TMCO4: variants seen among roughly 807,000 people sequenced by gnomAD.
TMCO4 encodes the protein transmembrane and coiled-coil domain-containing protein 4.
TMCO4 carries 58 observed loss-of-function variants against 64.7 expected under a neutral mutation model. The ratio of observed to expected loss-of-function variants is 0.90; its 90% confidence interval spans 0.73 to 1.12. The LOEUF is 1.12. Ranked by LOEUF, TMCO4 falls within the 50% of genes most tolerant of loss-of-function variation. The probability of loss-of-function intolerance (pLI) is 0.00; values close to 1 mark genes in which losing one functional copy is unlikely to be tolerated. For missense variants in TMCO4, 780 were observed against 825.9 expected, an observed-to-expected ratio of 0.94 and a Z score of 0.68; for synonymous variants, 325 against 346.1, an observed-to-expected ratio of 0.94 and a Z score of 0.68.
chr1:19,788,587 T>C (rs2043858244), intron 2 of TMCO4, among the ~76,000 whole-genome samples: 2 of 152,208 alleles, frequency 1.3e-5, no homozygotes, highest in African/African-American at 4.8e-5. Context: ...TACAACATGC[T>C]GCACTGGTGA....
In TMCO4 at chr1:19,731,781, C is replaced by G. The variant is rs540600035; in HGVS notation, c.1264+5591G>C. ...GAGAAGGGCTCTGCTCTGGTCCCCA[C>G]CAGCTTCCTTGGCCTCAGGTCCCCA... On this transcript the variant is annotated intron_variant, in intron 13 of 15. Transcript: ENST00000294543. Among the ~76,000 whole-genome samples the G allele has an allele frequency of 8.2e-4, 125 of 152,324 alleles. 1 individual carries two copies. Among genetic ancestry groups the G allele is most frequent in the African/African-American group, 2.7e-3 (112 of 41,572 alleles).
chr1:19,724,353 G>A (rs2095399459), intron 13 of TMCO4, among the ~76,000 whole-genome samples: 1 of 152,204 alleles, frequency 6.6e-6, no homozygotes, highest in African/African-American at 2.4e-5. Context: ...ACAGGCTGGA[G>A]TTGAACCCAG....
At chr1:19,782,073 A>G (rs2043519171) in intron 3 of TMCO4, among the ~76,000 whole-genome samples, 2 of 152,234 alleles carry the variant, frequency 1.3e-5, no homozygotes, top group Admixed American at 6.5e-5. Flanking sequence ...CACTCCTGAG[A>G]AATGAGGACT....
At position 19,747,143 on chromosome 1, in the gene TMCO4, C is replaced by A. The variant is rs368467322; in HGVS notation, c.613+20G>T. The stretch of plus-strand genomic sequence containing the variant: ...GTCTACAAAACCCAGACGTGTGCCA[C>A]CATCTCTAGCTGGACTCACCGATCA... On this transcript the variant is annotated intron_variant, in intron 8 of 15. Transcript: ENST00000294543. 6.0e-5 allele frequency: 97 copies of A among 1,612,086 alleles called. No individual in the cohort carries two copies. The African/African-American group carries it at 1.1e-3, about 19-fold the overall frequency.
intron 6 of TMCO4, among the ~76,000 whole-genome samples, chr1:19,769,126 C>G (rs1426679795): frequency 6.6e-6 from 1 of 152,130 alleles, no homozygotes; most frequent in Non-Finnish European, 1.5e-5. Context: ...CTGACTACCA[C>G]CTGCCCTGAA....
chr1:19,701,638 C>T (rs146879957), intron 13 of TMCO4, among the ~76,000 whole-genome samples: 96 of 152,204 alleles, frequency 6.3e-4, no homozygotes, highest in African/African-American at 2.0e-3. Context: ...AAGAGACTAA[C>T]GGGCCCCGCA....
At chr1:19,706,610 T>C (rs2095304528) in intron 13 of TMCO4, among the ~76,000 whole-genome samples, 1 of 152,224 alleles carries the variant, frequency 6.6e-6, no homozygotes, top group African/African-American at 2.4e-5. Context: ...CGCTAAGTTA[T>C]TAATATCCTA....
chr1:19,692,575 C>T (rs77889093), intron 15 of TMCO4, among the ~76,000 whole-genome samples: 6 of 63,956 alleles, frequency 9.4e-5, no homozygotes, highest in African/African-American at 2.0e-4. Context: ...ATTAAAAATA[C>T]AAAAAAAAAA....
intron 14 of TMCO4, among the ~76,000 whole-genome samples, chr1:19,695,603 G>C (rs1406341824): frequency 6.6e-6 from 1 of 152,198 alleles, no homozygotes; most frequent in Admixed American, 6.5e-5. Context: ...GGCTGGGGTT[G>C]GAATCCTGGT....
At position 19,716,642 on chromosome 1, in the gene TMCO4, C is replaced by T. The variant is rs564084536; in HGVS notation, c.1265-15757G>A. The stretch of plus-strand genomic sequence containing the variant: ...AAGCGGCCCTCCCTTGGCTCCATCA[C>T]TTACAAGCTGTGTGACCATGAATAA... On this transcript the variant is annotated intron_variant, in intron 13 of 15. Transcript: ENST00000294543. Among the ~76,000 whole-genome samples, 112 of 152,206 alleles carry T rather than the reference C, an allele frequency of 7.4e-4. 1 individual carries two copies. Among genetic ancestry groups the T allele is most frequent in the African/African-American group, 2.6e-3 (107 of 41,534 alleles).
chr1:19,713,961 G>A (rs779829576), intron 13 of TMCO4, among the ~76,000 whole-genome samples: 2 of 151,996 alleles, frequency 1.3e-5, no homozygotes, highest in Non-Finnish European at 2.9e-5. Context: ...TTTTGAGACA[G>A]AGTCTCTCTC....
intron 6 of TMCO4, among the ~76,000 whole-genome samples, chr1:19,770,060 G>C (rs2042916812): frequency 6.6e-6 from 1 of 152,268 alleles, no homozygotes; most frequent in Non-Finnish European, 1.5e-5. Flanking sequence ...AGCCACACCA[G>C]AGGGGCTGAT....
intron 12 of TMCO4, 71 bp from the exon 13 acceptor site, chr1:19,737,527 G>A (rs754919221): frequency 1.4e-6 from 2 of 1,443,788 alleles, no homozygotes; most frequent in Non-Finnish European, 1.9e-6. Flanking sequence ...GGCCTGAGGA[G>A]GGCAGCCTTT....
chr1:19,721,392 C>A (rs2095382668), intron 13 of TMCO4, among the ~76,000 whole-genome samples: 1 of 152,174 alleles, frequency 6.6e-6, no homozygotes, highest in Admixed American at 6.5e-5. Flanking sequence ...TTGAGAGTGG[C>A]AGTTAGTGCT....
intron 13 of TMCO4, among the ~76,000 whole-genome samples, chr1:19,735,381 T>C (rs1434078635): frequency 6.6e-6 from 1 of 152,170 alleles, no homozygotes; most frequent in African/African-American, 2.4e-5. Flanking sequence ...GTGGCAAAGC[T>C]AGGAGCCAAA....
intron 15 of TMCO4, among the ~76,000 whole-genome samples, chr1:19,691,338 G>A (rs16822735): frequency 0.16 from 24,895 of 152,168 alleles, 2,158 homozygotes; most frequent in East Asian, 0.26. Context: ...GGAAGTTTAG[G>A]GGTGAAGATA....
chr1:19,706,151 A>T (rs530197492), intron 13 of TMCO4, among the ~76,000 whole-genome samples: 4 of 151,976 alleles, frequency 2.6e-5, no homozygotes, highest in African/African-American at 9.7e-5. Flanking sequence ...TAATCCTCCC[A>T]CCTTAGCCTC....
intron 13 of TMCO4, among the ~76,000 whole-genome samples, chr1:19,733,729 G>C (rs1331134691): frequency 6.6e-6 from 1 of 152,180 alleles, no homozygotes; most frequent in Non-Finnish European, 1.5e-5. Flanking sequence ...GAGCAAGCAG[G>C]GAGGTATAAC....
intron 4 of TMCO4, among the ~76,000 whole-genome samples, chr1:19,780,252 T>C (rs538702722): frequency 6.6e-5 from 10 of 152,276 alleles, no homozygotes; most frequent in South Asian, 2.1e-4. Context: ...GATGGGACCA[T>C]ACAGTGTGGA....
Sources: allele counts gnomAD v4.1 joint callset (sites outside exome capture counted in the v4.1 genomes callset), GRCh38; gene constraint gnomAD v4.1.1; transcripts MANE v1.5; gene names NCBI Gene and HGNC (gene_info 2026-07-23, HGNC 2026-07-21).